The following MSRA variants were observed in gnomAD, a reference collection of about 807,000 sequenced individuals.
The protein encoded by MSRA is methionine sulfoxide reductase A.
In MSRA, 54 loss-of-function variants were observed where a neutral mutation model predicts 31.3. The ratio of observed to expected loss-of-function variants is 1.73; its 90% CI spans 1.39 to 2.17. The LOEUF is 2.17. MSRA is among the 30% of genes most tolerant of loss of function. MSRA has a pLI of 0.00. For synonymous variants in MSRA, 169 were observed against 116.5 expected (o/e 1.45, Z -2.90); for missense variants, 507 against 300.9 (o/e 1.69, Z -5.07).
At chr8:10,092,683 G>A (rs1049301069) in intron 1 of MSRA, among the ~76,000 whole-genome samples, 22 of 151,916 alleles carry the variant, frequency 1.4e-4, no homozygotes, top group African/African-American at 5.1e-4. Context: ...TAGATTGTTT[G>A]GTAGATGTCT....
At chr8:10,115,783 G>A (rs144789451) in intron 1 of MSRA, among the ~76,000 whole-genome samples, 4 of 152,176 alleles carry the variant, frequency 2.6e-5, no homozygotes, top group South Asian at 2.1e-4. Context: ...AGTCACTGCT[G>A]TATCCCCAGC....
chr8:10,308,730 C>T (rs1211173001), intron 4 of MSRA, among the ~76,000 whole-genome samples: 3 of 152,208 alleles, frequency 2.0e-5, no homozygotes, highest in Non-Finnish European at 4.4e-5. Context: ...CTGTTCCATT[C>T]CTGGAAGACT....
chr8:10,150,344 G>T (rs543999597), intron 1 of MSRA, among the ~76,000 whole-genome samples: 3 of 152,086 alleles, frequency 2.0e-5, no homozygotes, highest in African/African-American at 4.8e-5. Flanking sequence ...TGTCATATTT[G>T]TACAAATATG....
chr8:10,177,555 A>G (rs563684005), intron 1 of MSRA, among the ~76,000 whole-genome samples: 48 of 152,342 alleles, frequency 3.2e-4, no homozygotes, highest in African/African-American at 1.1e-3. Flanking sequence ...CCTGATGGCT[A>G]TAGAAGTCAC....
In MSRA at chr8:10,216,612, A is replaced by G. The variant is rs1406681872; in HGVS notation, c.211+8711A>G. The stretch of plus-strand genomic sequence containing the variant: ...CCCAGCCCCTGGTAACCTCTATTCT[A>G]CTTCCTGTCTGTCTAAATTTGACTA... On this transcript the variant is annotated intron_variant, in intron 2 of 5. Transcript: ENST00000317173. Among the ~76,000 whole-genome samples the G allele has an allele frequency of 3.3e-5, 5 of 152,136 alleles. No homozygotes were observed. In the East Asian group the frequency reaches 7.7e-4, roughly 23 times the overall value.
At chr8:10,219,820 A>AAAAAAAG (rs1810327298) in intron 2 of MSRA, among the ~76,000 whole-genome samples, 1 of 150,932 alleles carries the variant, frequency 6.6e-6, no homozygotes, top group African/African-American at 2.4e-5. Context: ...AAAAAAAAAA[A>AAAAAAAG]AAAAAAAAGA....
intron 1 of MSRA, among the ~76,000 whole-genome samples, chr8:10,149,178 ATGGCACAGTCTCGGCTCACTG>A (rs1402264078): frequency 6.6e-6 from 1 of 150,890 alleles, no homozygotes; most frequent in South Asian, 2.1e-4. Context: ...CTGGAGTGCA[ATGGCACAGTCTCGGCTCACTG>A]CAACTTCCGC....
intron 5 of MSRA, among the ~76,000 whole-genome samples, chr8:10,324,420 G>A (rs1802243594): frequency 6.6e-6 from 1 of 152,124 alleles, no homozygotes; most frequent in South Asian, 2.1e-4. Context: ...CCCAAGAGCG[G>A]GACGGCCATG....
At chr8:10,393,115 G>A (rs1039843367) in intron 5 of MSRA, among the ~76,000 whole-genome samples, 13 of 150,598 alleles carry the variant, frequency 8.6e-5, no homozygotes, top group Admixed American at 7.3e-4. Flanking sequence ...GAGTTATGCT[G>A]CGAGAAAAGA....
intron 4 of MSRA, among the ~76,000 whole-genome samples, chr8:10,318,375 T>C (rs896026325): frequency 1.3e-5 from 2 of 152,314 alleles, no homozygotes; most frequent in African/African-American, 2.4e-5. Context: ...TCGTGACTAC[T>C]CTTACCCCTC....
At chr8:10,085,152 G>T (rs988757102) in intron 1 of MSRA, among the ~76,000 whole-genome samples, 28 of 152,154 alleles carry the variant, frequency 1.8e-4, no homozygotes, top group African/African-American at 6.5e-4. Flanking sequence ...TAGCTAGCCT[G>T]GGGCTCTTCC....
rs528583626 is a variant in MSRA at position 10,216,253 on chromosome 8, C to T, written c.211+8352C>T. Among the ~76,000 whole-genome samples, 17 of 152,096 alleles carry T rather than the reference C, an allele frequency of 1.1e-4. No homozygotes were observed. The East Asian group carries it at 3.3e-3, about 29-fold the overall frequency. ...GCATTAGAATTAGGTAAATATTAGG[C>T]CAAAGGAAAAGAAAGTGAAATGAAA... On this transcript the variant is annotated intron_variant, in intron 2 of 5. Coordinates refer to ENST00000317173, the MANE Select transcript of MSRA (RefSeq NM_012331.5).
chr8:10,149,236 C>T lies in MSRA; in HGVS notation c.143-58597C>T, dbSNP rs566829151. 5.3e-4 allele frequency among the ~76,000 whole-genome samples: 80 copies of T among 152,190 alleles called. No individual in the cohort carries two copies. In the South Asian group the frequency reaches 0.016, roughly 30 times the overall value. ...TCCCGGGTTCAAGCAATTCTCCTGC[C>T]TCAGCCTCCCAAGTATCTGGGATTA... On this transcript the variant is annotated intron_variant, in intron 1 of 5. Transcript: ENST00000317173.
At chr8:10,096,135 C>A (rs1269375341) in intron 1 of MSRA, 7 of 1,241,576 alleles carry the variant, frequency 5.6e-6, no homozygotes, top group African/African-American at 1.5e-5. Context: ...GCAGCCCAGC[C>A]AGGAAGTCAG....
chr8:10,066,709 A>G (rs554335000), intron 1 of MSRA, among the ~76,000 whole-genome samples: 2 of 151,628 alleles, frequency 1.3e-5, no homozygotes, highest in African/African-American at 4.8e-5. Flanking sequence ...ATTTTTTTGT[A>G]TTTTTAGTAG....
At chr8:10,413,766 A>G (rs1808298962) in intron 5 of MSRA, among the ~76,000 whole-genome samples, 1 of 152,214 alleles carries the variant, frequency 6.6e-6, no homozygotes, top group Admixed American at 6.5e-5. Flanking sequence ...CTGGAAGATA[A>G]GTCAATTGAT....
intron 1 of MSRA, among the ~76,000 whole-genome samples, chr8:10,177,639 G>A (rs571725879): frequency 6.6e-6 from 1 of 152,296 alleles, no homozygotes; most frequent in East Asian, 1.9e-4. Flanking sequence ...GTGACATGAT[G>A]TATACCATTA....
chr8:10,217,439 C>G (rs970392434), intron 2 of MSRA, among the ~76,000 whole-genome samples: 1 of 152,194 alleles, frequency 6.6e-6, no homozygotes, highest in Non-Finnish European at 1.5e-5. Context: ...TGCGTTGTAT[C>G]TAAAACAAGC....
chr8:10,148,620 C>G (rs929082706), intron 1 of MSRA, among the ~76,000 whole-genome samples: 1 of 151,042 alleles, frequency 6.6e-6, no homozygotes, highest in Non-Finnish European at 1.5e-5. Context: ...GCACTTCAGC[C>G]TGGGCAAGAG....
Sources: allele counts gnomAD v4.1 joint callset (sites outside exome capture counted in the v4.1 genomes callset), GRCh38; gene constraint gnomAD v4.1.1; transcripts MANE v1.5; gene names NCBI Gene and HGNC (gene_info 2026-07-23, HGNC 2026-07-21).